The following HHAT variants were observed in gnomAD, a reference collection of about 807,000 sequenced individuals.
HHAT encodes protein-cysteine N-palmitoyltransferase HHAT.
HHAT carries 47 observed loss-of-function variants against 70.8 expected under a neutral mutation model. The ratio of observed to expected loss-of-function variants is 0.66; its 90% confidence interval spans 0.53 to 0.85. HHAT has a LOEUF of 0.85. Ranked by LOEUF, HHAT falls within the 40% of genes least tolerant of loss-of-function variation. The probability of loss-of-function intolerance (pLI) is 0.00; values close to 1 mark genes in which losing one functional copy is unlikely to be tolerated. For synonymous variants in HHAT, 228 were observed against 247.6 expected (o/e 0.92, Z 0.74); for missense variants, 609 against 604.8 (o/e 1.01, Z -0.07).
intron 7 of HHAT, among the ~76,000 whole-genome samples, chr1:210,457,619 C>T (rs1439476740): frequency 1.3e-5 from 2 of 152,174 alleles, no homozygotes; most frequent in East Asian, 1.9e-4. Flanking sequence ...GGCAGCTCTG[C>T]AGCCAGCCCA....
At chr1:210,585,638 C>T (rs1461143021) in intron 9 of HHAT, among the ~76,000 whole-genome samples, 4 of 152,076 alleles carry the variant, frequency 2.6e-5, no homozygotes, top group African/African-American at 9.7e-5. Context: ...AGGCTGGTCT[C>T]GAACTCCTGA....
chr1:210,575,532 T>G (rs767422436), intron 9 of HHAT, among the ~76,000 whole-genome samples: 5 of 152,188 alleles, frequency 3.3e-5, no homozygotes, highest in Non-Finnish European at 7.3e-5. Flanking sequence ...GACTTCAATG[T>G]GCTCTCAAAC....
At chr1:210,352,820 A>G (rs554035938) in intron 2 of HHAT, among the ~76,000 whole-genome samples, 15 of 152,234 alleles carry the variant, frequency 9.9e-5, no homozygotes, top group Admixed American at 5.9e-4. Flanking sequence ...GTGATCCGCT[A>G]TGCTGGCTGA....
rs188631168 is a variant in HHAT at position 210,492,096 on chromosome 1, C to T, written c.1008-21057C>T. ...AGTTCCTATAAGCTACTTTCTCTGC[C>T]TAGAAAGTAATCACACACACGTACC... On this transcript the variant is annotated intron_variant, in intron 8 of 11. Coordinates refer to ENST00000261458, the MANE Select transcript of HHAT (RefSeq NM_018194.6). 2.0e-4 allele frequency among the ~76,000 whole-genome samples: 30 copies of T among 152,154 alleles called. No individual in the cohort carries two copies. In the East Asian group the frequency reaches 4.9e-3, roughly 25 times the overall value.
intron 11 of HHAT, among the ~76,000 whole-genome samples, chr1:210,639,605 A>T (rs188469607): frequency 6.6e-6 from 1 of 152,304 alleles, no homozygotes; most frequent in Admixed American, 6.5e-5. Context: ...GTTTGCTATG[A>T]CATCTCAGTG....
rs185368033 is a variant in HHAT, at chr1:210,580,936, C to A, written c.1044-6962C>A. Among the ~76,000 whole-genome samples the A allele has an allele frequency of 9.2e-5, 14 of 152,260 alleles. No individual in the cohort carries two copies. In the South Asian group the frequency reaches 1.7e-3, roughly 18 times the overall value. On this transcript the variant is annotated intron_variant, in intron 9 of 11. Coordinates refer to ENST00000261458, the MANE Select transcript of HHAT (RefSeq NM_018194.6). ...ACGATGGTTGAACTAATTTACATTCCCACCAATAGTGTGAAAGCATTCCTC... is the reference window on the plus strand; with the variant it reads ...ACGATGGTTGAACTAATTTACATTCACACCAATAGTGTGAAAGCATTCCTC...
intron 2 of HHAT, among the ~76,000 whole-genome samples, chr1:210,357,532 A>G (rs944896120): frequency 2.6e-5 from 4 of 152,198 alleles, no homozygotes; most frequent in African/African-American, 9.7e-5. Flanking sequence ...ATTAAAATAC[A>G]CAAATTTGGC....
At chr1:210,428,286 CTATATATATATATATATA>C (rs66516721) in intron 7 of HHAT, among the ~76,000 whole-genome samples, 1,946 of 100,982 alleles carry the variant, frequency 0.019, 28 homozygotes, top group East Asian at 0.037. Context: ...TGAGCTTATA[CTATATATATATATATATA>C]TATATATATA....
intron 10 of HHAT, among the ~76,000 whole-genome samples, chr1:210,608,305 A>C (rs1487699601): frequency 6.6e-6 from 1 of 152,224 alleles, no homozygotes; most frequent in Non-Finnish European, 1.5e-5. Context: ...TTTACATTTT[A>C]AAATTGTATT....
At chr1:210,431,276 A>G (rs1382812041) in intron 7 of HHAT, among the ~76,000 whole-genome samples, 1 of 151,680 alleles carries the variant, frequency 6.6e-6, no homozygotes, top group Non-Finnish European at 1.5e-5. Context: ...CTAACCTCCT[A>G]TGTGTATGGG....
chr1:210,415,030 C>A (rs911039067), intron 6 of HHAT, among the ~76,000 whole-genome samples: 4 of 151,842 alleles, frequency 2.6e-5, no homozygotes, highest in Admixed American at 6.6e-5. Flanking sequence ...AAAAAAAAAT[C>A]TTTTTAATTG....
At chr1:210,649,880 C>A (rs1674785401) in intron 11 of HHAT, among the ~76,000 whole-genome samples, 1 of 152,234 alleles carries the variant, frequency 6.6e-6, no homozygotes. Flanking sequence ...AGGAGAGTAT[C>A]TTCAGGGTTT....
intron 7 of HHAT, among the ~76,000 whole-genome samples, chr1:210,445,830 C>G (rs904607766): frequency 2.0e-5 from 3 of 151,768 alleles, no homozygotes; most frequent in Admixed American, 6.6e-5. Context: ...CTGCTATCCT[C>G]TTAGGGTGCT....
chr1:210,336,996 C>T (rs2085559986), intron 1 of HHAT, among the ~76,000 whole-genome samples: 1 of 152,124 alleles, frequency 6.6e-6, no homozygotes. Context: ...AATATCACAT[C>T]AGTAGCTTTT....
intron 1 of HHAT, among the ~76,000 whole-genome samples, chr1:210,335,245 C>G (rs1447748959): frequency 1.4e-5 from 2 of 147,440 alleles, no homozygotes; most frequent in African/African-American, 5.0e-5. Flanking sequence ...CGAAAGTCAA[C>G]AAATGCAATT....
intron 6 of HHAT, among the ~76,000 whole-genome samples, chr1:210,414,837 G>A (rs2092672238): frequency 6.6e-6 from 1 of 152,120 alleles, no homozygotes; most frequent in African/African-American, 2.4e-5. Context: ...GGCCAATGTG[G>A]AGAAACCCCG....
intron 11 of HHAT, among the ~76,000 whole-genome samples, chr1:210,654,907 T>C (rs1050819954): frequency 6.6e-6 from 1 of 152,166 alleles, no homozygotes; most frequent in African/African-American, 2.4e-5. Context: ...CTCCAGTTTT[T>C]GGGACACGGG....
rs370185564 is a variant in HHAT at position 210,385,978 on chromosome 1, C to T, written c.160-1490C>T. ...GTAGATCTGGGCTCTGGACCCAAAA[C>T]AAGCCTCCAGTCTTAGCTACCTTGC... On this transcript the variant is annotated intron_variant, in intron 3 of 11. Coordinates refer to ENST00000261458, the MANE Select transcript of HHAT (RefSeq NM_018194.6). 2.1e-4 allele frequency among the ~76,000 whole-genome samples: 32 copies of T among 152,208 alleles called. No homozygotes were observed. The South Asian group carries it at 6.4e-3, about 31-fold the overall frequency.
intron 8 of HHAT, among the ~76,000 whole-genome samples, chr1:210,494,845 C>T (rs1443531796): frequency 6.6e-6 from 1 of 151,914 alleles, no homozygotes; most frequent in East Asian, 1.9e-4. Context: ...AGCCACTGTG[C>T]CCGGCGTGAA....
Sources: gnomAD v4.1 joint callset for allele counts (sites outside exome capture counted in the v4.1 genomes callset) on GRCh38, gnomAD v4.1.1 for gene constraint, MANE v1.5 for transcripts, NCBI Gene and HGNC (gene_info 2026-07-23, HGNC 2026-07-21) for gene names.